The following MKLN1 variants were observed in gnomAD, a reference collection of about 807,000 sequenced individuals.
The protein encoded by MKLN1 is muskelin 1, also known as muskelin.
Under a neutral mutation model 99.0 loss-of-function variants are expected in MKLN1, and 18 were observed. That is an observed-to-expected ratio of 0.18 (90% CI 0.13 to 0.27). The LOEUF is 0.27. MKLN1 is among the 10% of genes least tolerant of loss of function. The probability of loss-of-function intolerance (pLI) is 1.00; values close to 1 mark genes in which losing one functional copy is unlikely to be tolerated. For missense variants in MKLN1, 621 were observed against 875.9 expected, an observed-to-expected ratio of 0.71 and a Z score of 3.67; for synonymous variants, 288 against 293.2, an observed-to-expected ratio of 0.98 and a Z score of 0.18.
At chr7:131,482,843 T>A (rs558388108) in intron 17 of MKLN1, among the ~76,000 whole-genome samples, 1 of 152,372 alleles carries the variant, frequency 6.6e-6, no homozygotes, top group African/African-American at 2.4e-5. Context: ...GCACTTTGCA[T>A]GTCTTAACGC....
intron 4 of MKLN1, among the ~76,000 whole-genome samples, chr7:131,395,955 A>G (rs1284107812): frequency 6.6e-6 from 1 of 151,908 alleles, no homozygotes; most frequent in Non-Finnish European, 1.5e-5. Flanking sequence ...GCTTTTTGCC[A>G]TTATAAATAG....
At chr7:131,229,099 A>C (rs1006846998) in intron 3 of MKLN1, among the ~76,000 whole-genome samples, 1 of 152,168 alleles carries the variant, frequency 6.6e-6, no homozygotes, top group Non-Finnish European at 1.5e-5. Context: ...AAGGTGTGAC[A>C]TCTGGAAGCA....
intron 6 of MKLN1, among the ~76,000 whole-genome samples, chr7:131,401,739 ATTTCCT>A (rs1461131792): frequency 6.6e-6 from 1 of 152,110 alleles, no homozygotes; most frequent in Non-Finnish European, 1.5e-5. Context: ...CACAAATTTT[ATTTCCT>A]TTGCATGTGC....
intron 7 of MKLN1, among the ~76,000 whole-genome samples, chr7:131,412,013 G>A (rs957699629): frequency 2.5e-4 from 36 of 146,916 alleles, no homozygotes; most frequent in African/African-American, 8.7e-4. Context: ...CTTGAGCCTG[G>A]GAGGTCAAGG....
At chr7:131,364,468 GT>G (rs75070902) in intron 1 of MKLN1, among the ~76,000 whole-genome samples, 221 of 143,570 alleles carry the variant, frequency 1.5e-3, no homozygotes, top group African/African-American at 4.4e-3. Flanking sequence ...AAGGACTTTG[GT>G]TTTTTTTTTT....
At chr7:131,280,939 A>G (rs1274343336) in intron 3 of MKLN1, among the ~76,000 whole-genome samples, 1 of 152,142 alleles carries the variant, frequency 6.6e-6, no homozygotes, top group Admixed American at 6.5e-5. Context: ...AATATTCTGG[A>G]TATGAGTCCC....
chr7:131,237,593 C>T (rs866523032), intron 3 of MKLN1, among the ~76,000 whole-genome samples: 1 of 152,066 alleles, frequency 6.6e-6, no homozygotes, highest in African/African-American at 2.4e-5. Flanking sequence ...GCTGTATAAT[C>T]GAAGTATGCA....
intron 16 of MKLN1, among the ~76,000 whole-genome samples, chr7:131,475,848 C>G (rs1796949411): frequency 6.6e-6 from 1 of 151,932 alleles, no homozygotes; most frequent in African/African-American, 2.4e-5. Flanking sequence ...CCAAGAGAGA[C>G]GTTACAAGCA....
intron 3 of MKLN1, among the ~76,000 whole-genome samples, chr7:131,262,986 T>C (rs1457410660): frequency 6.6e-6 from 1 of 152,180 alleles, no homozygotes; most frequent in African/African-American, 2.4e-5. Context: ...TCTGATTGCT[T>C]CTTTATCATG....
chr7:131,167,137 CA>C (rs1796138354), intron 2 of MKLN1, among the ~76,000 whole-genome samples: 1 of 151,818 alleles, frequency 6.6e-6, no homozygotes, highest in African/African-American at 2.4e-5. Context: ...GCTTATATCA[CA>C]ACCTGGAAAC....
intron 8 of MKLN1, among the ~76,000 whole-genome samples, chr7:131,418,776 A>G (rs958044207): frequency 2.6e-5 from 4 of 151,948 alleles, no homozygotes; most frequent in Non-Finnish European, 5.9e-5. Flanking sequence ...TGGTGAGACA[A>G]TTAGGTTTGG....
At chr7:131,374,717 TCA>T (rs1245482296) in intron 1 of MKLN1, among the ~76,000 whole-genome samples, 1 of 152,118 alleles carries the variant, frequency 6.6e-6, no homozygotes, top group Non-Finnish European at 1.5e-5. Context: ...CCTTTTCCAC[TCA>T]CAGTTCTGCT....
chr7:131,475,658 C>CA (rs1487378838), intron 16 of MKLN1, among the ~76,000 whole-genome samples: 2 of 152,092 alleles, frequency 1.3e-5, no homozygotes, highest in East Asian at 3.9e-4. Flanking sequence ...CAAAAACATG[C>CA]AAAAAATTAG....
upstream of MKLN1, chr7:131,327,762 C>T: frequency 7.1e-7 from 1 of 1,412,730 alleles, no homozygotes; most frequent in Non-Finnish European, 9.3e-7. Context: ...TGGCCCGGCG[C>T]TGGGCTCGGG....
At chr7:131,179,776 G>A (rs1030890346) in intron 2 of MKLN1, among the ~76,000 whole-genome samples, 20 of 152,046 alleles carry the variant, frequency 1.3e-4, no homozygotes, top group South Asian at 2.1e-4. Context: ...GGGTTTCACC[G>A]TGTTAGCCAG....
intron 1 of MKLN1, among the ~76,000 whole-genome samples, chr7:131,361,252 A>C (rs1800019900): frequency 1.3e-5 from 2 of 151,716 alleles, no homozygotes; most frequent in Non-Finnish European, 2.9e-5. Context: ...TTCCCTTCTC[A>C]TATTGCAGTT....
chr7:131,451,054 G>A (rs1313431432), intron 12 of MKLN1, among the ~76,000 whole-genome samples: 1 of 152,126 alleles, frequency 6.6e-6, no homozygotes, highest in Non-Finnish European at 1.5e-5. Context: ...TCCTCCCATA[G>A]AATTATTTTA....
chr7:131,479,929 C>G (rs1407859222), intron 17 of MKLN1, among the ~76,000 whole-genome samples: 2 of 144,460 alleles, frequency 1.4e-5, no homozygotes, highest in African/African-American at 2.6e-5. Flanking sequence ...GAGGCTGAGG[C>G]AGAATTGCTT....
chr7:131,435,970 AT>A lies in MKLN1; in HGVS notation c.961-1813del, dbSNP rs1235145728. ...TAATTTAGTTGAAGCAAGAAGTTCT[AT>A]TATTCTCTTATTAAAATTTCAAGTT... On this transcript the variant is annotated intron_variant, in intron 9 of 17. Coordinates refer to ENST00000352689, the MANE Select transcript of MKLN1 (RefSeq NM_013255.5). 3.8e-4 allele frequency among the ~76,000 whole-genome samples: 57 copies of A among 151,908 alleles called. 1 individual carries two copies. Among genetic ancestry groups the A allele is most frequent in the Middle Eastern group, 3.4e-3 (1 of 290 alleles).
Sources: allele counts gnomAD v4.1 joint callset (sites outside exome capture counted in the v4.1 genomes callset), GRCh38; gene constraint gnomAD v4.1.1; transcripts MANE v1.5; gene names NCBI Gene and HGNC (gene_info 2026-07-23, HGNC 2026-07-21).